The following SORCS1 variants were observed in gnomAD, a reference collection of about 807,000 sequenced individuals.
SORCS1 encodes the protein sortilin related VPS10 domain containing receptor 1.
SORCS1 carries 60 observed loss-of-function variants against 146.1 expected under a neutral mutation model. The observed-to-expected ratio is 0.41, with a 90% CI of 0.33 to 0.51. SORCS1 has a LOEUF of 0.51. SORCS1 is among the 20% of genes least tolerant of loss of function. The probability of loss-of-function intolerance (pLI) is 0.21; values close to 1 mark genes in which losing one functional copy is unlikely to be tolerated. For synonymous variants in SORCS1, 637 were observed against 584.0 expected, an observed-to-expected ratio of 1.09 and a Z score of -1.31; for missense variants, 1,352 against 1,487.6, an observed-to-expected ratio of 0.91 and a Z score of 1.50.
intron 2 of SORCS1, among the ~76,000 whole-genome samples, chr10:106,844,662 T>C (rs893516122): frequency 1.3e-5 from 2 of 150,014 alleles, no homozygotes; most frequent in African/African-American, 4.9e-5. Flanking sequence ...ACATGTGCCA[T>C]GCTGGTGCGC....
chr10:107,094,180 CA>C (rs1261831275), intron 1 of SORCS1, among the ~76,000 whole-genome samples: 4 of 151,992 alleles, frequency 2.6e-5, no homozygotes, highest in South Asian at 2.1e-4. Context: ...TGAAGGCAAA[CA>C]TTTTTTTTTA....
At chr10:107,148,833 C>T (rs1968541881) in intron 1 of SORCS1, among the ~76,000 whole-genome samples, 1 of 152,272 alleles carries the variant, frequency 6.6e-6, no homozygotes, top group Non-Finnish European at 1.5e-5. Flanking sequence ...GGAGCTAATT[C>T]CTACTCTCTG....
At chr10:106,695,695 G>T (rs1031181517) in intron 9 of SORCS1, among the ~76,000 whole-genome samples, 2 of 137,444 alleles carry the variant, frequency 1.5e-5, no homozygotes, top group African/African-American at 5.4e-5. Context: ...CATTATTAAT[G>T]ATATCAATTA....
chr10:106,575,407 T>G lies in SORCS1; in HGVS notation c.*2013A>C, dbSNP rs1844534543. Reference sequence around the variant, plus strand: ...ACACCCTCATTATCACCAGGGCCTGTGTTATACCCTGTTGGCTTAGGGACA... The same window carrying G: ...ACACCCTCATTATCACCAGGGCCTGGGTTATACCCTGTTGGCTTAGGGACA... On this transcript the variant is annotated 3_prime_UTR_variant, in exon 26 of 26. Transcript: ENST00000263054. The G allele has an allele frequency of 6.6e-6, 1 of 152,202 alleles. No homozygotes were observed. The highest frequency in any genetic ancestry group is 2.4e-5 in the African/African-American group (1 of 41,444). The allele number at this position is 152,202 out of a possible 1,614,324, so 9.4% of individuals were successfully genotyped here. A position where few individuals can be genotyped will look rare whatever the true frequency, so the allele number is the denominator to read the frequency against.
intron 3 of SORCS1, among the ~76,000 whole-genome samples, chr10:106,796,900 A>G (rs1289781239): frequency 6.6e-6 from 1 of 152,194 alleles, no homozygotes; most frequent in Non-Finnish European, 1.5e-5. Context: ...ACGAAGTCAG[A>G]AGATTGAGAC....
intron 2 of SORCS1, among the ~76,000 whole-genome samples, chr10:106,918,602 G>GAGAGGGAGAA (rs1485147114): frequency 1.3e-5 from 2 of 152,118 alleles, no homozygotes; most frequent in Non-Finnish European, 2.9e-5. Flanking sequence ...AATAGAGGAG[G>GAGAGGGAGAA]AGAGGGAGAA....
chr10:106,597,476 C>T, intron 23 of SORCS1, 26 bp from the exon 24 acceptor site: 1 of 1,557,010 alleles, frequency 6.4e-7, no homozygotes, highest in South Asian at 1.1e-5. Context: ...TAGTTAGTGA[C>T]ACCAAAAGTG....
chr10:107,089,738 A>G (rs1246812148), intron 1 of SORCS1, among the ~76,000 whole-genome samples: 1 of 152,214 alleles, frequency 6.6e-6, no homozygotes, highest in South Asian at 2.1e-4. Context: ...CAGGTGTAAA[A>G]TGAATACAAT....
At chr10:106,953,579 T>C (rs923261186) in intron 2 of SORCS1, among the ~76,000 whole-genome samples, 1 of 152,058 alleles carries the variant, frequency 6.6e-6, no homozygotes, top group Non-Finnish European at 1.5e-5. Flanking sequence ...CGGAGAAACA[T>C]GACCTTAGGT....
chr10:107,091,097 T>C (rs976064038), intron 1 of SORCS1, among the ~76,000 whole-genome samples: 3 of 152,234 alleles, frequency 2.0e-5, no homozygotes, highest in African/African-American at 7.2e-5. Context: ...TGGTTCATCA[T>C]GGGAAAATAC....
chr10:107,037,113 G>A (rs1329690061), intron 1 of SORCS1, among the ~76,000 whole-genome samples: 1 of 152,170 alleles, frequency 6.6e-6, no homozygotes. Flanking sequence ...GGGCGCGGTG[G>A]AACACACCTG....
chr10:106,675,224 A>G (rs1851936070), intron 13 of SORCS1, 68 bp from the exon 14 acceptor site: 1 of 1,195,702 alleles, frequency 8.4e-7, no homozygotes, highest in African/African-American at 1.5e-5. Context: ...CAAAGGAAAG[A>G]TACTCTCAAC....
chr10:107,177,971 AG>A, the SORCS1 span, among the ~76,000 whole-genome samples: 1 of 152,086 alleles, frequency 6.6e-6, no homozygotes, highest in Non-Finnish European at 1.5e-5. Context: ...GGACACATGG[AG>A]GGGGAACAAC....
At chr10:107,006,922 AACAAATTTACATAC>A (rs1245287418) in intron 1 of SORCS1, among the ~76,000 whole-genome samples, 1 of 152,204 alleles carries the variant, frequency 6.6e-6, no homozygotes, top group Non-Finnish European at 1.5e-5. Flanking sequence ...AATGATTATA[AACAAATTTACATAC>A]TCAAATGCGC....
At chr10:107,074,589 A>G (rs569868100) in intron 1 of SORCS1, among the ~76,000 whole-genome samples, 4 of 152,198 alleles carry the variant, frequency 2.6e-5, no homozygotes, top group African/African-American at 9.7e-5. Context: ...ATCATTTGGT[A>G]AGAGTATGAT....
At chr10:106,895,615 A>ATAC (rs1951443304) in intron 2 of SORCS1, among the ~76,000 whole-genome samples, 1 of 152,202 alleles carries the variant, frequency 6.6e-6, no homozygotes, top group Admixed American at 6.5e-5. Flanking sequence ...TGTCTCAAAA[A>ATAC]TACTACTACT....
chr10:106,746,735 T>C (rs1342845363), intron 5 of SORCS1, among the ~76,000 whole-genome samples: 1 of 152,238 alleles, frequency 6.6e-6, no homozygotes, highest in Admixed American at 6.5e-5. Flanking sequence ...AGACAGAACC[T>C]GATAGCAGAT....
chr10:106,583,504 C>T (rs1296010056), intron 24 of SORCS1, among the ~76,000 whole-genome samples: 4 of 151,952 alleles, frequency 2.6e-5, no homozygotes, highest in South Asian at 2.1e-4. Flanking sequence ...GCAGTTTTTT[C>T]GTTTTGTTTT....
At chr10:106,811,713 T>C (rs1947468914) in intron 3 of SORCS1, among the ~76,000 whole-genome samples, 1 of 152,202 alleles carries the variant, frequency 6.6e-6, no homozygotes, top group Admixed American at 6.5e-5. Flanking sequence ...CTGCTATAAA[T>C]GGCTAAGAAA....
Sources: allele counts gnomAD v4.1 joint callset (sites outside exome capture counted in the v4.1 genomes callset), GRCh38; gene constraint gnomAD v4.1.1; transcripts MANE v1.5; gene names NCBI Gene and HGNC (gene_info 2026-07-23, HGNC 2026-07-21).